Variants in COBL observed in about 807,000 individuals in gnomAD.
The protein encoded by COBL is protein cordon-bleu.
Under a neutral mutation model 98.8 loss-of-function variants are expected in COBL, and 51 were observed. The observed-to-expected ratio is 0.52, with a 90% CI of 0.41 to 0.65. The LOEUF (loss-of-function observed/expected upper bound fraction) is 0.65. COBL is among the 30% of genes least tolerant of loss of function. COBL has a pLI of 0.00. For missense variants in COBL, 1,617 were observed against 1,617.5 expected (o/e 1.00, Z 0.01); for synonymous variants, 634 against 651.7 (o/e 0.97, Z 0.41).
intron 7 of COBL, among the ~76,000 whole-genome samples, chr7:51,066,926 T>C (rs749548634): frequency 2.0e-5 from 3 of 152,288 alleles, no homozygotes; most frequent in Non-Finnish European, 4.4e-5. Context: ...TATCTAACTA[T>C]GGAAGACTAT....
chr7:51,248,550 G>T (rs1323154105), intron 1 of COBL, among the ~76,000 whole-genome samples: 2 of 152,122 alleles, frequency 1.3e-5, no homozygotes, highest in Non-Finnish European at 2.9e-5. Flanking sequence ...TGTGTATTTT[G>T]AGTGCATGTA....
At position 51,136,426 on chromosome 7, in the gene COBL, C is replaced by T. The variant is rs1583916821; in HGVS notation, c.784-95G>A. ...TGAAGACAAAGTTCCAATCCGTCCACCTGAGCTTGAACGGCAGCTGTTTCT... is the reference window on the plus strand; with the variant it reads ...TGAAGACAAAGTTCCAATCCGTCCATCTGAGCTTGAACGGCAGCTGTTTCT... On this transcript the variant is annotated intron_variant, in intron 5 of 12. Transcript: ENST00000265136. 4 of 1,319,976 alleles carry T rather than the reference C, an allele frequency of 3.0e-6. No individual in the cohort carries two copies. The South Asian group carries it at 6.0e-5, about 20-fold the overall frequency. 81.8% of individuals were successfully genotyped at this position (1,319,976 alleles called of 1,614,324 possible).
chr7:51,288,810 T>A, intron 1 of COBL, among the ~76,000 whole-genome samples: 1 of 120,260 alleles, frequency 8.3e-6, no homozygotes, highest in Admixed American at 9.4e-5. Flanking sequence ...AAATAAGAAC[T>A]GAATTCAAAT....
At chr7:51,312,789 C>T (rs1021534843) in intron 1 of COBL, among the ~76,000 whole-genome samples, 4 of 152,152 alleles carry the variant, frequency 2.6e-5, no homozygotes, top group African/African-American at 9.7e-5. Flanking sequence ...ACAGGAGGGA[C>T]TGCAGGCAAA....
intron 1 of COBL, among the ~76,000 whole-genome samples, chr7:51,285,593 A>T (rs762754794): frequency 6.6e-6 from 1 of 152,240 alleles, no homozygotes; most frequent in Non-Finnish European, 1.5e-5. Context: ...GTATGCTGAG[A>T]ACTACAAAAC....
At chr7:51,047,163 A>C (rs1237587196) in intron 7 of COBL, among the ~76,000 whole-genome samples, 1 of 152,234 alleles carries the variant, frequency 6.6e-6, no homozygotes, top group African/African-American at 2.4e-5. Flanking sequence ...CTTTGAACTA[A>C]AAAGTTATTA....
intron 2 of COBL, among the ~76,000 whole-genome samples, chr7:51,209,046 T>TAAAAAAAA (rs572689062): frequency 6.9e-5 from 3 of 43,432 alleles, no homozygotes; most frequent in African/African-American, 1.6e-4. Context: ...AATGATCAAT[T>TAAAAAAAA]AAAAAAAAAA....
At chr7:51,103,194 G>A (rs1185322079) in intron 6 of COBL, among the ~76,000 whole-genome samples, 1 of 152,036 alleles carries the variant, frequency 6.6e-6, no homozygotes, top group Non-Finnish European at 1.5e-5. Flanking sequence ...GACCATGCTT[G>A]TTTTTTTATC....
chr7:51,114,335 G>A (rs1011868329), intron 6 of COBL, among the ~76,000 whole-genome samples: 5 of 151,068 alleles, frequency 3.3e-5, no homozygotes, highest in Non-Finnish European at 5.9e-5. Flanking sequence ...TGTTATACAC[G>A]GTCAAATTCT....
At chr7:51,073,366 G>T (rs1792749031) in intron 7 of COBL, 1 of 696,570 alleles carries the variant, frequency 1.4e-6, no homozygotes. Flanking sequence ...CCTGAGTAGG[G>T]AATGACGCAC....
At chr7:51,162,370 A>G (rs1486826365) in intron 5 of COBL, among the ~76,000 whole-genome samples, 2 of 152,226 alleles carry the variant, frequency 1.3e-5, no homozygotes, top group Non-Finnish European at 2.9e-5. Context: ...TTGAAAGATG[A>G]GAATATTTGC....
intron 6 of COBL, among the ~76,000 whole-genome samples, chr7:51,112,229 G>A (rs1175748247): frequency 6.6e-6 from 1 of 152,152 alleles, no homozygotes; most frequent in East Asian, 1.9e-4. Flanking sequence ...AAGTATCTTT[G>A]CTATACATCA....
intron 5 of COBL, among the ~76,000 whole-genome samples, chr7:51,141,235 G>A (rs912848430): frequency 1.3e-5 from 2 of 152,180 alleles, no homozygotes; most frequent in Non-Finnish European, 2.9e-5. Flanking sequence ...AAAAGCCTGA[G>A]TAGATCTTTT....
At chr7:51,098,309 T>C (rs1795496531) in intron 6 of COBL, among the ~76,000 whole-genome samples, 1 of 147,978 alleles carries the variant, frequency 6.8e-6, no homozygotes. Context: ...AAAGCAATCT[T>C]GAGGGGAAGA....
At chr7:51,231,832 T>C (rs1794786875) in intron 1 of COBL, among the ~76,000 whole-genome samples, 2 of 152,144 alleles carry the variant, frequency 1.3e-5, no homozygotes, top group South Asian at 4.1e-4. Flanking sequence ...GCACCAGACC[T>C]GTAGCACCAG....
At chr7:51,184,467 CAAAAT>C (rs1789293924) in intron 4 of COBL, among the ~76,000 whole-genome samples, 1 of 152,084 alleles carries the variant, frequency 6.6e-6, no homozygotes, top group Non-Finnish European at 1.5e-5. Flanking sequence ...TGGAGAATGA[CAAAAT>C]AAATAAAGTT....
At chr7:51,299,296 G>C (rs936552441) in intron 1 of COBL, among the ~76,000 whole-genome samples, 1 of 152,206 alleles carries the variant, frequency 6.6e-6, no homozygotes, top group Non-Finnish European at 1.5e-5. Flanking sequence ...GTGCAGCACT[G>C]GCTGTTTAGA....
chr7:51,175,446 G>A (rs965159933), intron 5 of COBL, among the ~76,000 whole-genome samples: 1 of 152,124 alleles, frequency 6.6e-6, no homozygotes, highest in Non-Finnish European at 1.5e-5. Context: ...ACCTTTCTCA[G>A]TCCCTTGGAG....
At chr7:51,069,770 C>T (rs1483995155) in intron 7 of COBL, among the ~76,000 whole-genome samples, 1 of 152,206 alleles carries the variant, frequency 6.6e-6, no homozygotes, top group African/African-American at 2.4e-5. Flanking sequence ...AGGATGCATC[C>T]ACTCTTTAAA....
Sources: allele counts gnomAD v4.1 joint callset (sites outside exome capture counted in the v4.1 genomes callset), GRCh38; gene constraint gnomAD v4.1.1; transcripts MANE v1.5; gene names NCBI Gene and HGNC (gene_info 2026-07-23, HGNC 2026-07-21).